LAPTM4A: variants seen among roughly 807,000 people sequenced by gnomAD.
LAPTM4A encodes lysosomal-associated transmembrane protein 4A.
Under a neutral mutation model 29.9 loss-of-function variants are expected in LAPTM4A, and 19 were observed. That is an observed-to-expected ratio of 0.64 (90% CI 0.44 to 0.93). The LOEUF (loss-of-function observed/expected upper bound fraction) is 0.93, where lower values mean the gene tolerates loss of function less well. Among genes scored for constraint, LAPTM4A ranks in the 40% least tolerant of loss-of-function variants. The pLI is 0.00. For synonymous variants in LAPTM4A, 105 were observed against 102.1 expected (o/e 1.03, Z -0.17); for missense variants, 293 against 288.5 (o/e 1.02, Z -0.11).
At chr2:20,033,502 G>A (rs1013200644) in intron 6 of LAPTM4A, among the ~76,000 whole-genome samples, 28 of 152,176 alleles carry the variant, frequency 1.8e-4, no homozygotes, top group African/African-American at 6.5e-4. Flanking sequence ...GGTGGGGAGA[G>A]AGAGTCCTGC....
intron 1 of LAPTM4A, among the ~76,000 whole-genome samples, chr2:20,042,979 G>A (rs545110927): frequency 7.3e-5 from 11 of 151,464 alleles, no homozygotes; most frequent in Admixed American, 2.6e-4. Flanking sequence ...TCGCTCTGTC[G>A]CCCAGGCTGG....
At chr2:20,039,695 C>T (rs1658605601) in intron 2 of LAPTM4A, among the ~76,000 whole-genome samples, 1 of 152,060 alleles carries the variant, frequency 6.6e-6, no homozygotes, top group African/African-American at 2.4e-5. Context: ...GTTGGGACAA[C>T]AAAGTAAGAC....
chr2:20,046,161 G>A (rs557478512), intron 1 of LAPTM4A, among the ~76,000 whole-genome samples: 1 of 152,268 alleles, frequency 6.6e-6, no homozygotes, highest in South Asian at 2.1e-4. Flanking sequence ...CTTGGACACA[G>A]GGTGGGGAAC....
intron 1 of LAPTM4A, among the ~76,000 whole-genome samples, chr2:20,050,692 G>A (rs1674035055): frequency 6.6e-6 from 1 of 152,194 alleles, no homozygotes; most frequent in Admixed American, 6.5e-5. Flanking sequence ...TGGAACCCAG[G>A]AGATACCGGG....
chr2:20,040,579 G>C (rs1673772027), intron 2 of LAPTM4A, among the ~76,000 whole-genome samples: 1 of 152,166 alleles, frequency 6.6e-6, no homozygotes, highest in Admixed American at 6.5e-5. Context: ...CCATAACACT[G>C]TAATAGTGTA....
intron 2 of LAPTM4A, among the ~76,000 whole-genome samples, chr2:20,039,919 G>A (rs543451751): frequency 1.6e-4 from 24 of 152,096 alleles, no homozygotes; most frequent in African/African-American, 5.8e-4. Context: ...GGTGGTGTGT[G>A]CCTGTAATCC....
intron 2 of LAPTM4A, 134 bp from the exon 3 acceptor site, chr2:20,037,748 G>T: frequency 2.3e-6 from 1 of 433,920 alleles, no homozygotes; most frequent in Non-Finnish European, 3.8e-6. Context: ...AAGGCCAAGA[G>T]GGTAAAAAAA....
intron 2 of LAPTM4A, among the ~76,000 whole-genome samples, chr2:20,038,904 T>C (rs2103496811): frequency 6.6e-6 from 1 of 152,170 alleles, no homozygotes; most frequent in Admixed American, 6.5e-5. Flanking sequence ...TATTCCCTAT[T>C]GGGTAAATGT....
chr2:20,046,773 T>C (rs1283975349), intron 1 of LAPTM4A, among the ~76,000 whole-genome samples: 2 of 145,136 alleles, frequency 1.4e-5, no homozygotes, highest in African/African-American at 5.0e-5. Context: ...TATAATATAA[T>C]ATATAAATAT....
At chr2:20,049,601 T>A (rs1674008378) in intron 1 of LAPTM4A, among the ~76,000 whole-genome samples, 1 of 152,206 alleles carries the variant, frequency 6.6e-6, no homozygotes, top group Admixed American at 6.5e-5. Context: ...GCCCACAGCA[T>A]CAAAAAATCT....
chr2:20,040,586 T>C (rs1241038516), intron 2 of LAPTM4A, among the ~76,000 whole-genome samples: 1 of 152,200 alleles, frequency 6.6e-6, no homozygotes, highest in Non-Finnish European at 1.5e-5. Flanking sequence ...ACTGTAATAG[T>C]GTATTTACAG....
chr2:20,048,737 C>G (rs1437267970), intron 1 of LAPTM4A, among the ~76,000 whole-genome samples: 2 of 152,198 alleles, frequency 1.3e-5, no homozygotes, highest in African/African-American at 4.8e-5. Flanking sequence ...AAGAGAGTAC[C>G]TTGACAAGGT....
intron 1 of LAPTM4A, among the ~76,000 whole-genome samples, chr2:20,048,467 C>T (rs1222043876): frequency 1.3e-5 from 2 of 152,164 alleles, no homozygotes; most frequent in Non-Finnish European, 2.9e-5. Flanking sequence ...CTCTATGTCC[C>T]ACAGCACTAT....
At chr2:20,048,775 C>G (rs1248895819) in intron 1 of LAPTM4A, among the ~76,000 whole-genome samples, 1 of 152,206 alleles carries the variant, frequency 6.6e-6, no homozygotes, top group Non-Finnish European at 1.5e-5. Flanking sequence ...ACATTTAATA[C>G]TCACTCATCC....
chr2:20,038,165 A>G (rs1010889490), intron 2 of LAPTM4A, among the ~76,000 whole-genome samples: 3 of 152,174 alleles, frequency 2.0e-5, no homozygotes, highest in Admixed American at 1.3e-4. Context: ...CTGAAATTCA[A>G]ATTTCGCCAT....
chr2:20,036,204 G>A (rs1673673561), intron 4 of LAPTM4A, among the ~76,000 whole-genome samples: 1 of 150,928 alleles, frequency 6.6e-6, no homozygotes, highest in African/African-American at 2.4e-5. Context: ...CCCTGCCCCT[G>A]GCCACCTTTC....
intron 6 of LAPTM4A, 52 bp from the exon 7 acceptor site, chr2:20,033,331 T>C: frequency 2.1e-6 from 3 of 1,398,976 alleles, no homozygotes; most frequent in Non-Finnish European, 3.0e-6. Flanking sequence ...TAAAATCCTT[T>C]GTGAGATAAT....
intron 4 of LAPTM4A, among the ~76,000 whole-genome samples, chr2:20,036,730 G>GCCAC (rs1277899519): frequency 4.6e-5 from 7 of 152,004 alleles, no homozygotes; most frequent in Non-Finnish European, 5.9e-5. Context: ...GCCCTCCTTG[G>GCCAC]CCACCCAGCC....
chr2:20,039,772 C>T (rs570176597), intron 2 of LAPTM4A, among the ~76,000 whole-genome samples: 1 of 151,742 alleles, frequency 6.6e-6, no homozygotes, highest in Admixed American at 6.6e-5. Context: ...ATGAAGGGCG[C>T]TGGCTGGGCG....
Sources: allele counts gnomAD v4.1 joint callset (sites outside exome capture counted in the v4.1 genomes callset), GRCh38; gene constraint gnomAD v4.1.1; transcripts MANE v1.5; gene names NCBI Gene and HGNC (gene_info 2026-07-23, HGNC 2026-07-21).